ARHGEF11: variants seen among roughly 807,000 people sequenced by gnomAD.
ARHGEF11 encodes the protein Rho guanine exchange factor (GEF) 11.
Under a neutral mutation model 193.7 loss-of-function variants are expected in ARHGEF11, and 55 were observed. That is an observed-to-expected ratio of 0.28 (90% confidence interval 0.23 to 0.36). The LOEUF (loss-of-function observed/expected upper bound fraction) is 0.36. Among genes scored for constraint, ARHGEF11 ranks in the 10% least tolerant of loss-of-function variants. ARHGEF11 has a pLI of 1.00. For missense variants in ARHGEF11, 1,723 were observed against 2,005.6 expected (o/e 0.86, Z 2.69); for synonymous variants, 693 against 768.0 (o/e 0.90, Z 1.62).
chr1:156,936,309 C>T lies in ARHGEF11; in HGVS notation c.4631-251G>A. On this transcript the variant is annotated intron_variant, in intron 40 of 40. Coordinates refer to ENST00000368194, the MANE Select transcript of ARHGEF11 (RefSeq NM_198236.3). ...TTATGACATAGCTGTGTCCCTGGCCCACCCAGTGTGGTTCTGAATCATTTA... is the reference window on the plus strand; with the variant it reads ...TTATGACATAGCTGTGTCCCTGGCCTACCCAGTGTGGTTCTGAATCATTTA... 2 of 663,718 alleles carry T rather than the reference C, an allele frequency of 3.0e-6. 1 individual carries two copies. The highest frequency in any genetic ancestry group is 2.8e-5 in the South Asian group (2 of 70,908). The allele number at this position is 663,718 out of a possible 1,614,324, so 41.1% of individuals were successfully genotyped here.
chr1:156,948,819 C>G lies in ARHGEF11; in HGVS notation c.1926-321G>C. The G allele has an allele frequency of 1.0e-6, 1 of 985,430 alleles. No individual in the cohort carries two copies. The highest frequency in any genetic ancestry group is 1.2e-6 in the Non-Finnish European group (1 of 829,930). 61.0% of individuals were successfully genotyped at this position (985,430 alleles called of 1,614,324 possible). On this transcript the variant is annotated intron_variant, in intron 22 of 40. Transcript: ENST00000368194. This position sits in a 1 kb window ranked among gnomAD's most constrained non-coding sequence, Gnocchi z 4.2. ...TCTGAGTTGTAGTGTGTCCAGAGGC[C>G]TGAGACACCATGCTTCTGTCAAGAA...
chr1:157,026,130 G>C (rs573166582), intron 1 of ARHGEF11, among the ~76,000 whole-genome samples: 2 of 152,198 alleles, frequency 1.3e-5, no homozygotes, highest in Non-Finnish European at 2.9e-5. Flanking sequence ...TCATTCTGCA[G>C]TCAGCGGCAG....
intron 29 of ARHGEF11, chr1:156,945,713 G>C (rs1657984477): frequency 3.4e-6 from 1 of 294,474 alleles, no homozygotes; most frequent in Admixed American, 4.6e-5. Flanking sequence ...GGCATGAATG[G>C]GGATAAAATC....
intron 1 of ARHGEF11, among the ~76,000 whole-genome samples, chr1:157,027,387 CA>C (rs1032838872): frequency 6.6e-6 from 1 of 151,540 alleles, no homozygotes; most frequent in Non-Finnish European, 1.5e-5. Context: ...GTCTCACACA[CA>C]AAAAAAAGAG....
chr1:156,959,624 G>A (rs1484983093), intron 15 of ARHGEF11, among the ~76,000 whole-genome samples: 2 of 152,158 alleles, frequency 1.3e-5, no homozygotes, highest in Non-Finnish European at 2.9e-5. Context: ...AAGTCCTTGG[G>A]AGCTGTGTTT....
chr1:156,947,636 G>T, intron 25 of ARHGEF11, 133 bp downstream of exon 25: 2 of 1,347,836 alleles, frequency 1.5e-6, no homozygotes, highest in Non-Finnish European at 1.0e-6. Context: ...TATAGCAACA[G>T]GCAATGTGGA....
chr1:157,019,641 C>T (rs1352245874), intron 1 of ARHGEF11, among the ~76,000 whole-genome samples: 2 of 152,132 alleles, frequency 1.3e-5, no homozygotes, highest in African/African-American at 2.4e-5. Context: ...TGAACAGATA[C>T]ACAAATTACT....
chr1:157,017,827 G>T (rs1159910258), intron 1 of ARHGEF11, among the ~76,000 whole-genome samples: 1 of 150,564 alleles, frequency 6.6e-6, no homozygotes, highest in Non-Finnish European at 1.5e-5. Flanking sequence ...GGTCTACCAA[G>T]AAGTTCTAAA....
At chr1:156,962,051 C>G (rs936050040) in intron 13 of ARHGEF11, among the ~76,000 whole-genome samples, 3 of 152,182 alleles carry the variant, frequency 2.0e-5, no homozygotes, top group African/African-American at 7.2e-5. Flanking sequence ...ATAATCCCCA[C>G]CCCCTTTCCC....
intron 1 of ARHGEF11, among the ~76,000 whole-genome samples, chr1:157,013,724 C>T (rs1392093888): frequency 1.3e-5 from 2 of 152,194 alleles, no homozygotes; most frequent in African/African-American, 4.8e-5. Context: ...GCTCACAATA[C>T]TTCCACCTTC....
At chr1:156,959,000 CG>C in intron 16 of ARHGEF11, 45 bp downstream of exon 16, 1 of 1,610,492 alleles carries the variant, frequency 6.2e-7, no homozygotes, top group Non-Finnish European at 8.5e-7. Flanking sequence ...GGCCAAGAGG[CG>C]GAGGTGAACG....
intron 1 of ARHGEF11, among the ~76,000 whole-genome samples, chr1:157,018,297 T>G (rs1019755357): frequency 6.6e-6 from 1 of 152,090 alleles, no homozygotes; most frequent in Non-Finnish European, 1.5e-5. Context: ...AATCATAATC[T>G]CAGAAGGCAC....
intron 29 of ARHGEF11, chr1:156,945,831 T>C (rs1031382949): frequency 3.5e-5 from 17 of 490,776 alleles, no homozygotes; most frequent in Non-Finnish European, 5.1e-5. Context: ...TGGCCTTCGA[T>C]GGTGGCCCCT....
intron 1 of ARHGEF11, 103 bp downstream of exon 1, chr1:157,044,196 C>T: frequency 9.0e-7 from 1 of 1,106,942 alleles, no homozygotes; most frequent in South Asian, 1.3e-5. Flanking sequence ...ATTCCCATAG[C>T]CCACCCAGAC....
intron 1 of ARHGEF11, among the ~76,000 whole-genome samples, chr1:156,988,888 G>A (rs976385929): frequency 1.3e-5 from 2 of 152,124 alleles, no homozygotes; most frequent in African/African-American, 4.8e-5. Context: ...CAGGCCTGGT[G>A]GATAGAATCA....
At chr1:156,945,704 G>A (rs762244394) in intron 29 of ARHGEF11, 11 of 287,598 alleles carry the variant, frequency 3.8e-5, no homozygotes, top group African/African-American at 8.7e-5. Flanking sequence ...ACTGCAGGGG[G>A]CATGAATGGG....
chr1:157,031,725 C>T (rs1671332713), intron 1 of ARHGEF11, among the ~76,000 whole-genome samples: 1 of 152,230 alleles, frequency 6.6e-6, no homozygotes, highest in African/African-American at 2.4e-5. Context: ...GGCCCTAGAA[C>T]AGAACCCCAG....
At chr1:156,981,218 T>G (rs1664130325) in intron 3 of ARHGEF11, among the ~76,000 whole-genome samples, 1 of 152,058 alleles carries the variant, frequency 6.6e-6, no homozygotes, top group South Asian at 2.1e-4. Context: ...AAAAATTTTT[T>G]TTTTTGTAGA....
At chr1:157,041,441 G>C (rs1672737909) in intron 1 of ARHGEF11, among the ~76,000 whole-genome samples, 1 of 152,022 alleles carries the variant, frequency 6.6e-6, no homozygotes, top group Non-Finnish European at 1.5e-5. Context: ...TCTTGAACAG[G>C]GTGCTACAGG....
Sources: allele counts gnomAD v4.1 joint callset (sites outside exome capture counted in the v4.1 genomes callset), GRCh38; gene constraint gnomAD v4.1.1; non-coding constraint Gnocchi (gnomAD v3.1); transcripts MANE v1.5; gene names NCBI Gene and HGNC (gene_info 2026-07-23, HGNC 2026-07-21).